RCN1: variants seen among roughly 807,000 people sequenced by gnomAD.
RCN1 encodes the protein reticulocalbin 1, also known as reticulocalbin-1.
In RCN1, 14 loss-of-function variants were observed where a neutral mutation model predicts 34.7. That is an observed-to-expected ratio of 0.40 (90% CI 0.27 to 0.63). The LOEUF is 0.63. Ranked by LOEUF, RCN1 falls within the 30% of genes least tolerant of loss-of-function variation. RCN1 has a pLI of 0.37. For synonymous variants in RCN1, 125 were observed against 165.5 expected, an observed-to-expected ratio of 0.76 and a Z score of 1.88; for missense variants, 326 against 425.1, an observed-to-expected ratio of 0.77 and a Z score of 2.05.
Position 32,091,445 on chromosome 11 carries a change from G to A in RCN1, c.249G>A (p.Arg83=). ...DQLTPDESKE[R]LGKIVDRIDN... is the part of the protein sequence containing the mutation. The stretch of plus-strand genomic sequence containing the variant: ...TCACCCCGGACGAGAGCAAGGAGAG[G>A]CTAGGGTGAGGCCGCGGCCAGGGCC... The change falls in exon 1 of 6, where the codon AGG becomes AGA. Residue 83 remains arginine (R), a synonymous_variant. Coordinates refer to ENST00000054950, the MANE Select transcript of RCN1 (RefSeq NM_002901.4). 6.5e-7 allele frequency: 1 copy of A among 1,544,210 alleles called. No individual in the cohort carries two copies. Among genetic ancestry groups the A allele is most frequent in the Non-Finnish European group, 8.7e-7 (1 of 1,144,228 alleles).
chr11:32,093,724 G>A (rs1190651603), intron 1 of RCN1, among the ~76,000 whole-genome samples: 1 of 152,200 alleles, frequency 6.6e-6, no homozygotes, highest in East Asian at 1.9e-4. Flanking sequence ...AAGGACCTTG[G>A]TGAGATGGAC....
At position 32,104,548 on chromosome 11, in the gene RCN1, T is replaced by C; in HGVS notation, c.*76T>C. ...TTGGATTGTTGCTACAATTGTCTAA[T>C]TTACAGCAGTTGTGATCCCACAAAA... On this transcript the variant is annotated 3_prime_UTR_variant, in exon 6 of 6. Coordinates refer to ENST00000054950, the MANE Select transcript of RCN1 (RefSeq NM_002901.4). 1 of 852,518 alleles carries C rather than the reference T, an allele frequency of 1.2e-6. No homozygotes were observed. Among genetic ancestry groups the C allele is most frequent in the Non-Finnish European group, 1.9e-6 (1 of 520,084 alleles). 52.8% of individuals were successfully genotyped at this position (852,518 alleles called of 1,614,324 possible). A position where few individuals can be genotyped will look rare whatever the true frequency, so the allele number is the denominator to read the frequency against.
At position 32,105,232 on chromosome 11, in the gene RCN1, A is replaced by G. The variant is rs988600082; in HGVS notation, c.*760A>G. ...TTGAGAAAACTTTCTTAATATGCCA[A>G]TGAGGTAGGCCTGATCTTTGAAATA... On this transcript the variant is annotated 3_prime_UTR_variant, in exon 6 of 6. Transcript: ENST00000054950. 15 of 166,478 alleles carry G rather than the reference A, an allele frequency of 9.0e-5. No individual in the cohort carries two copies. Among genetic ancestry groups the G allele is most frequent in the Middle Eastern group, 3.1e-3 (1 of 318 alleles). 10.3% of individuals were successfully genotyped at this position (166,478 alleles called of 1,614,324 possible). A position where few individuals can be genotyped will look rare whatever the true frequency, so the allele number is the denominator to read the frequency against.
intron 1 of RCN1, 24 bp downstream of exon 1, chr11:32,091,474 T>TGGG (rs1369458910): frequency 1.6e-5 from 25 of 1,536,422 alleles, no homozygotes; most frequent in Non-Finnish European, 2.2e-5. Context: ...CAGGGCCCCG[T>TGGG]GGGGGGCGGC....
At chr11:32,092,642 T>G (rs1851935232) in intron 1 of RCN1, among the ~76,000 whole-genome samples, 2 of 152,168 alleles carry the variant, frequency 1.3e-5, no homozygotes, top group Non-Finnish European at 2.9e-5. Context: ...TTGGGCACTG[T>G]GCGGAGGTAT....
chr11:32,093,987 A>T (rs960556475), intron 1 of RCN1, among the ~76,000 whole-genome samples: 1 of 152,164 alleles, frequency 6.6e-6, no homozygotes, highest in Non-Finnish European at 1.5e-5. Flanking sequence ...GAGAGGTAGG[A>T]ATCAAGGGGA....
chr11:32,096,428 A>C (rs1269868834), intron 1 of RCN1: 1 of 152,096 alleles, frequency 6.6e-6, no homozygotes, highest in Non-Finnish European at 1.5e-5. Context: ...CTGGTATAGG[A>C]GTCTTTACCC....
intron 1 of RCN1, 27 bp downstream of exon 1, chr11:32,091,477 G>T (rs534701713): frequency 6.5e-7 from 1 of 1,536,358 alleles, no homozygotes; most frequent in Middle Eastern, 1.8e-4. Flanking sequence ...GGCCCCGTGG[G>T]GGGCGGCGCA....
At chr11:32,099,665 C>T (rs953281318) in intron 3 of RCN1, among the ~76,000 whole-genome samples, 2 of 152,212 alleles carry the variant, frequency 1.3e-5, no homozygotes, top group South Asian at 4.1e-4. Flanking sequence ...GGCAGATGCA[C>T]CAACCCAGTT....
Position 32,091,309 on chromosome 11 carries a change from T to C in RCN1, c.113T>C (p.Val38Ala). The change falls in exon 1 of 6, where the codon GTG (valine) becomes GCG (alanine). Residue 38 changes from valine to alanine, a missense_variant. Physicochemically the swap from Val to Ala is moderately conservative, Grantham distance 64. Transcript: ENST00000054950. Reference sequence around the variant, plus strand: ...AAGCCCACGGTGCGCAAAGAGCGCGTGGTGCGGCCCGACTCGGAGCTGGGC... The same window carrying C: ...AAGCCCACGGTGCGCAAAGAGCGCGCGGTGCGGCCCGACTCGGAGCTGGGC... ...RAKPTVRKER[V>A]VRPDSELGER... 1.9e-6 allele frequency: 3 copies of C among 1,546,964 alleles called. No individual in the cohort carries two copies. The highest frequency in any genetic ancestry group is 2.6e-6 in the Non-Finnish European group (3 of 1,145,910).
intron 3 of RCN1, among the ~76,000 whole-genome samples, chr11:32,099,486 A>G (rs1852011434): frequency 6.6e-6 from 1 of 152,116 alleles, no homozygotes. Context: ...AAGAGATGCT[A>G]CCCTTAGCGG....
At chr11:32,093,894 G>A (rs912751922) in intron 1 of RCN1, among the ~76,000 whole-genome samples, 4 of 152,136 alleles carry the variant, frequency 2.6e-5, no homozygotes, top group African/African-American at 7.2e-5. Context: ...TGGTCTCTCC[G>A]GATTCCAGGA....
Position 32,105,420 on chromosome 11 carries a change from T to G in RCN1, c.*948T>G, listed in dbSNP as rs1852100021. The G allele has an allele frequency of 6.6e-6, 1 of 152,226 alleles. No individual in the cohort carries two copies. The highest frequency in any genetic ancestry group is 2.4e-5 in the African/African-American group (1 of 41,410). 9.4% of individuals were successfully genotyped at this position (152,226 alleles called of 1,614,324 possible). A position where few individuals can be genotyped will look rare whatever the true frequency, so the allele number is the denominator to read the frequency against. On this transcript the variant is annotated 3_prime_UTR_variant, in exon 6 of 6. Transcript: ENST00000054950. ...CCCCGCAACAGCTTATACCATGGAA[T>G]GAGGACAAGGTGATACTCTGAGCTG...
At chr11:32,101,731 G>A (rs949207852) in intron 4 of RCN1, among the ~76,000 whole-genome samples, 6 of 152,162 alleles carry the variant, frequency 3.9e-5, no homozygotes, top group Non-Finnish European at 5.9e-5. Context: ...AACATATGCT[G>A]ACAGCTCCCT....
At chr11:32,098,712 G>A (rs618206) in intron 3 of RCN1, among the ~76,000 whole-genome samples, 184 bp downstream of exon 3, 21,574 of 152,146 alleles carry the variant, frequency 0.14, 1,619 homozygotes, top group East Asian at 0.29. Context: ...TGCTGTAACA[G>A]ATAGCCCCCA....
At position 32,104,626 on chromosome 11, in the gene RCN1, TA is replaced by T. The variant is rs1183502489; in HGVS notation, c.*155del. ...TAAAAATTGTTTTTCGCTCAGTATTTACTGGAAAATGGACATCACTAGTCTT... is the reference window on the plus strand; with the variant it reads ...TAAAAATTGTTTTTCGCTCAGTATTTCTGGAAAATGGACATCACTAGTCTT... On this transcript the variant is annotated 3_prime_UTR_variant, in exon 6 of 6. Transcript: ENST00000054950. 1 of 554,174 alleles carries T rather than the reference TA, an allele frequency of 1.8e-6. No individual in the cohort carries two copies. Among genetic ancestry groups the T allele is most frequent in the African/African-American group, 1.9e-5 (1 of 53,116 alleles). 34.3% of individuals were successfully genotyped at this position (554,174 alleles called of 1,614,324 possible).
chr11:32,093,251 C>T (rs1389684322), intron 1 of RCN1, among the ~76,000 whole-genome samples: 1 of 152,194 alleles, frequency 6.6e-6, no homozygotes, highest in African/African-American at 2.4e-5. Flanking sequence ...ATCCTTGTAT[C>T]AACACCTTGA....
At chr11:32,102,841 G>C in intron 4 of RCN1, 1 of 342,900 alleles carries the variant, frequency 2.9e-6, no homozygotes, top group Non-Finnish European at 5.6e-6. Flanking sequence ...ACTGTGTGTA[G>C]AACACTTTAT....
intron 4 of RCN1, chr11:32,102,435 A>T (rs72904111): frequency 0.019 from 2,823 of 151,908 alleles, 38 homozygotes; most frequent in African/African-American, 0.036. Flanking sequence ...TTCATTCACC[A>T]CCTGACATTT....
Sources: allele counts gnomAD v4.1 joint callset (sites outside exome capture counted in the v4.1 genomes callset), GRCh38; gene constraint gnomAD v4.1.1; transcripts MANE v1.5; gene names NCBI Gene and HGNC (gene_info 2026-07-23, HGNC 2026-07-21).